Variants in RARB observed in about 807,000 individuals in gnomAD.
RARB encodes the protein HBV-activated protein.
A neutral mutation model predicts 51.9 loss-of-function variants in RARB; 17 were observed. The ratio of observed to expected loss-of-function variants is 0.33; its 90% CI spans 0.22 to 0.49. The LOEUF (loss-of-function observed/expected upper bound fraction) is 0.49, where lower values mean the gene tolerates loss of function less well. Among genes scored for constraint, RARB ranks in the 20% least tolerant of loss-of-function variants. The pLI, the probability that RARB is intolerant of heterozygous loss-of-function variation, is 0.99. For missense variants in RARB, 369 were observed against 550.8 expected (o/e 0.67, Z 3.30); for synonymous variants, 215 against 195.4 (o/e 1.10, Z -0.84).
intron 5 of RARB, among the ~76,000 whole-genome samples, chr3:25,268,217 G>T (rs1703170239): frequency 6.6e-6 from 1 of 152,104 alleles, no homozygotes; most frequent in African/African-American, 2.4e-5. Flanking sequence ...GACTACCACT[G>T]ATACTTTTTT....
At chr3:24,905,416 C>T (rs781530264) in intron 2 of RARB, among the ~76,000 whole-genome samples, 1 of 152,222 alleles carries the variant, frequency 6.6e-6, no homozygotes, top group Non-Finnish European at 1.5e-5. Context: ...GACCACATCT[C>T]TTCTCACACT....
At chr3:25,305,809 C>T (rs1298384162) in intron 5 of RARB, among the ~76,000 whole-genome samples, 1 of 152,124 alleles carries the variant, frequency 6.6e-6, no homozygotes, top group Non-Finnish European at 1.5e-5. Context: ...GGAAAAGGGA[C>T]TTTGGGTGTT....
At chr3:24,879,434 T>TTA (rs1703112849) in intron 2 of RARB, among the ~76,000 whole-genome samples, 2 of 142,980 alleles carry the variant, frequency 1.4e-5, no homozygotes, top group South Asian at 4.3e-4. Context: ...GTCTCAAAAT[T>TTA]AAAAAAAAAT....
chr3:25,565,129 C>CTGTGGACTG (rs1437250296), intron 3 of RARB, among the ~76,000 whole-genome samples: 1 of 152,174 alleles, frequency 6.6e-6, no homozygotes, highest in African/African-American at 2.4e-5. Context: ...ACTCACTACG[C>CTGTGGACTG]TGTGGACTGT....
intron 5 of RARB, among the ~76,000 whole-genome samples, chr3:25,373,746 A>G (rs1706375203): frequency 6.6e-6 from 1 of 151,620 alleles, no homozygotes; most frequent in African/African-American, 2.4e-5. Flanking sequence ...AACCTCTCAC[A>G]CTCCCTTCTA....
intron 5 of RARB, among the ~76,000 whole-genome samples, chr3:25,292,773 A>C (rs1013660859): frequency 1.1e-4 from 17 of 152,272 alleles, no homozygotes; most frequent in African/African-American, 3.9e-4. Context: ...TGGTTTCAAA[A>C]TGGGCATGTT....
At chr3:25,279,812 T>C (rs1391230521) in intron 5 of RARB, among the ~76,000 whole-genome samples, 1 of 152,062 alleles carries the variant, frequency 6.6e-6, no homozygotes, top group Non-Finnish European at 1.5e-5. Context: ...GGTAATTTTG[T>C]CCCAAACTTT....
chr3:25,596,655 C>A lies in RARB; in HGVS notation c.*39C>A. The A allele has an allele frequency of 6.8e-7, 1 of 1,474,486 alleles. No individual in the cohort carries two copies. The highest frequency in any genetic ancestry group is 1.3e-5 in the South Asian group (1 of 79,662). 91.3% of individuals were successfully genotyped at this position (1,474,486 alleles called of 1,614,324 possible). A position where few individuals can be genotyped will look rare whatever the true frequency, so the allele number is the denominator to read the frequency against. ...TACTTCAAACATTCCCCAGTACCTT[C>A]AGTTCCAGGATTTAAAATGCAAGAA... On this transcript the variant is annotated 3_prime_UTR_variant, in exon 8 of 8. Coordinates refer to ENST00000330688, the MANE Select transcript of RARB (RefSeq NM_000965.5).
intron 3 of RARB, among the ~76,000 whole-genome samples, chr3:25,105,761 C>T (rs1465717331): frequency 2.0e-5 from 3 of 152,102 alleles, no homozygotes; most frequent in Admixed American, 2.0e-4. Flanking sequence ...ATCACAAATG[C>T]ACATTTGATG....
intron 2 of RARB, among the ~76,000 whole-genome samples, chr3:24,947,898 T>TTA (rs1695808922): frequency 6.6e-6 from 1 of 152,184 alleles, no homozygotes; most frequent in Admixed American, 6.5e-5. Context: ...AGTAAGGTAG[T>TTA]TAAGAATAAG....
intron 5 of RARB, among the ~76,000 whole-genome samples, chr3:25,175,540 T>C (rs1331059141): frequency 6.6e-6 from 1 of 152,208 alleles, no homozygotes; most frequent in Non-Finnish European, 1.5e-5. Context: ...TCATTCCTTC[T>C]ACTACATCCT....
chr3:25,353,645 A>C (rs1414782103), intron 5 of RARB, among the ~76,000 whole-genome samples: 1 of 151,664 alleles, frequency 6.6e-6, no homozygotes, highest in Non-Finnish European at 1.5e-5. Flanking sequence ...AAATAAAGTA[A>C]TTAAAACCAA....
At chr3:24,946,454 G>A (rs954574758) in intron 2 of RARB, among the ~76,000 whole-genome samples, 1 of 151,704 alleles carries the variant, frequency 6.6e-6, no homozygotes, top group South Asian at 2.1e-4. Context: ...GAAGAGTGCT[G>A]TTCTTTCTTT....
intron 5 of RARB, among the ~76,000 whole-genome samples, chr3:25,343,313 C>A (rs138481156): frequency 4.8e-4 from 73 of 152,132 alleles, no homozygotes; most frequent in Non-Finnish European, 8.1e-4. Flanking sequence ...AGTGCCATGC[C>A]TATAGCATAT....
At chr3:25,463,620 G>A (rs968659980) in intron 2 of RARB, among the ~76,000 whole-genome samples, 11 of 150,758 alleles carry the variant, frequency 7.3e-5, no homozygotes, top group African/African-American at 2.7e-4. Context: ...CCGAGATCGC[G>A]CCACTGGACT....
chr3:25,141,672 T>C (rs988126721), intron 4 of RARB, among the ~76,000 whole-genome samples: 1 of 152,254 alleles, frequency 6.6e-6, no homozygotes, highest in East Asian at 1.9e-4. Flanking sequence ...AATGGCTTTC[T>C]GCACCTGTAT....
chr3:25,586,250 T>A (rs1362890920), intron 5 of RARB, among the ~76,000 whole-genome samples: 1 of 152,102 alleles, frequency 6.6e-6, no homozygotes, highest in Non-Finnish European at 1.5e-5. Flanking sequence ...CAGAAAAGCC[T>A]TCTCCGACCA....
chr3:25,537,402 G>A (rs1046433066), intron 3 of RARB, among the ~76,000 whole-genome samples: 17 of 152,192 alleles, frequency 1.1e-4, no homozygotes, highest in African/African-American at 2.9e-4. Flanking sequence ...AATAGGCCCC[G>A]AATGTGCTGC....
intron 4 of RARB, among the ~76,000 whole-genome samples, chr3:25,169,860 C>A (rs147745169): frequency 6.6e-6 from 1 of 152,020 alleles, no homozygotes; most frequent in African/African-American, 2.4e-5. Context: ...TGGTGACACA[C>A]ACCTATAGTT....
Sources: allele counts gnomAD v4.1 joint callset (sites outside exome capture counted in the v4.1 genomes callset), GRCh38; gene constraint gnomAD v4.1.1; transcripts MANE v1.5; gene names NCBI Gene and HGNC (gene_info 2026-07-23, HGNC 2026-07-21).